Variants in CDH22 observed in about 807,000 individuals in gnomAD.
CDH22 encodes cadherin-22.
A neutral mutation model predicts 58.4 loss-of-function variants in CDH22; 30 were observed. That is an observed-to-expected ratio of 0.51 (90% CI 0.38 to 0.70). The LOEUF (loss-of-function observed/expected upper bound fraction) is 0.70. Ranked by LOEUF, CDH22 falls within the 30% of genes least tolerant of loss-of-function variation. The pLI is 0.00. For synonymous variants in CDH22, 513 were observed against 558.2 expected, an observed-to-expected ratio of 0.92 and a Z score of 1.14; for missense variants, 1,014 against 1,233.9, an observed-to-expected ratio of 0.82 and a Z score of 2.67.
At chr20:46,186,043 G>A (rs547362957) in intron 10 of CDH22, among the ~76,000 whole-genome samples, 22 of 151,902 alleles carry the variant, frequency 1.4e-4, no homozygotes, top group African/African-American at 4.3e-4. Flanking sequence ...CAAAAATCCC[G>A]TCTCTACAAA....
intron 4 of CDH22, among the ~76,000 whole-genome samples, chr20:46,218,860 G>T (rs2086104101): frequency 6.6e-6 from 1 of 152,114 alleles, no homozygotes; most frequent in African/African-American, 2.4e-5. Flanking sequence ...GGCATTCAGA[G>T]CCTCTCCCAC....
chr20:46,308,100 C>G lies in CDH22; in HGVS notation c.-400+155G>C, dbSNP rs1057400621. 6.6e-6 allele frequency among the ~76,000 whole-genome samples: 1 copy of G among 151,400 alleles called. No homozygotes were observed. Among genetic ancestry groups the G allele is most frequent in the Non-Finnish European group, 1.5e-5 (1 of 67,688 alleles). On this transcript the variant is annotated intron_variant, in intron 1 of 11. Coordinates refer to ENST00000537909, the MANE Select transcript of CDH22 (RefSeq NM_021248.3). This position sits in a 1 kb window ranked among gnomAD's most constrained non-coding sequence, Gnocchi z 4.3. Reference sequence around the variant, plus strand: ...GCCGAGAGGAGGGGGCGCGCAGGGCCGGGCGCAGGCACCCCGGCTCCTCCT... The same window carrying G: ...GCCGAGAGGAGGGGGCGCGCAGGGCGGGGCGCAGGCACCCCGGCTCCTCCT...
intron 8 of CDH22, among the ~76,000 whole-genome samples, chr20:46,188,220 AC>A (rs2085840225): frequency 6.6e-6 from 1 of 152,192 alleles, no homozygotes; most frequent in South Asian, 2.1e-4. Flanking sequence ...CTTGGGTAAG[AC>A]CCTGCCTTCT....
At chr20:46,201,781 C>A (rs569423252) in intron 7 of CDH22, among the ~76,000 whole-genome samples, 7 of 152,308 alleles carry the variant, frequency 4.6e-5, no homozygotes, top group Non-Finnish European at 8.8e-5. Flanking sequence ...ATTCTTCTTG[C>A]CCCTGGCCAC....
intron 7 of CDH22, among the ~76,000 whole-genome samples, chr20:46,203,434 G>A (rs1191031977): frequency 6.6e-6 from 1 of 152,186 alleles, no homozygotes. Context: ...TGTGTGGCGT[G>A]AATATGTGAG....
At chr20:46,186,787 C>A in intron 9 of CDH22, 39 bp downstream of exon 9, 1 of 1,597,000 alleles carries the variant, frequency 6.3e-7, no homozygotes, top group Non-Finnish European at 8.5e-7. Flanking sequence ...GCTGGCCAGT[C>A]CTGGAAGCAA....
intron 2 of CDH22, among the ~76,000 whole-genome samples, chr20:46,250,245 C>T (rs529254288): frequency 2.6e-5 from 4 of 152,182 alleles, no homozygotes; most frequent in Non-Finnish European, 5.9e-5. Context: ...AAACCGTTTG[C>T]AAGCAATGTC....
chr20:46,297,107 C>T (rs909740772), intron 1 of CDH22, among the ~76,000 whole-genome samples: 1 of 152,166 alleles, frequency 6.6e-6, no homozygotes, highest in African/African-American at 2.4e-5. Flanking sequence ...CCACTGCTGG[C>T]TGATTGTGCC....
intron 1 of CDH22, among the ~76,000 whole-genome samples, chr20:46,291,884 G>A (rs2086605185): frequency 6.6e-6 from 1 of 152,242 alleles, no homozygotes; most frequent in Non-Finnish European, 1.5e-5. Context: ...GTCCTGTGCA[G>A]GGTAGGATGG....
At position 46,177,977 on chromosome 20, in the gene CDH22, G is replaced by A. The variant is rs768142284; in HGVS notation, c.1884C>T (p.Ile628=). 8.1e-6 allele frequency: 13 copies of A among 1,614,034 alleles called. No individual in the cohort carries two copies. Among genetic ancestry groups the A allele is most frequent in the East Asian group, 2.2e-5 (1 of 44,872 alleles). Residue 628 remains isoleucine (I), a synonymous_variant, in exon 11 of 12, where the codon ATC becomes ATT. Transcript: ENST00000537909. ...MAASLSPGAL[I]ALLVCVLILV... ...GGATGAGAACGCAGACCAAGAGGGC[G>A]ATGAGGGCGCCGGGGCTGAGGGAGG...
chr20:46,190,825 G>C (rs924801238), intron 8 of CDH22, among the ~76,000 whole-genome samples: 1 of 152,144 alleles, frequency 6.6e-6, no homozygotes, highest in Non-Finnish European at 1.5e-5. Flanking sequence ...AGCCCCGGGG[G>C]TCTGAGGGAC....
At chr20:46,294,600 C>G (rs1485544349) in intron 1 of CDH22, among the ~76,000 whole-genome samples, 1 of 152,164 alleles carries the variant, frequency 6.6e-6, no homozygotes, top group Non-Finnish European at 1.5e-5. Context: ...CTATGGCAAC[C>G]AGGGAAAAGA....
intron 1 of CDH22, among the ~76,000 whole-genome samples, chr20:46,255,787 T>G (rs1266165619): frequency 6.6e-6 from 1 of 152,226 alleles, no homozygotes. Flanking sequence ...AACCCTGTCC[T>G]GGCATTCAAA....
At chr20:46,276,584 C>A (rs1393323296) in intron 1 of CDH22, among the ~76,000 whole-genome samples, 1 of 152,204 alleles carries the variant, frequency 6.6e-6, no homozygotes, top group East Asian at 1.9e-4. Context: ...TCCTTTAATC[C>A]ACACATCAGC....
At position 46,241,987 on chromosome 20, in the gene CDH22, C is replaced by A. The variant is rs2086293096; in HGVS notation, c.256-730G>T. On this transcript the variant is annotated intron_variant, in intron 2 of 11. Coordinates refer to ENST00000537909, the MANE Select transcript of CDH22 (RefSeq NM_021248.3). The surrounding 1 kb of genome is among the most constrained non-coding windows in gnomAD (Gnocchi z 5.2). Reference sequence around the variant, plus strand: ...GGTCCACTGCTCCCTAGACTCTGCACCCCAGGAGATTGGGGTGGCATCTTC... The same window carrying A: ...GGTCCACTGCTCCCTAGACTCTGCAACCCAGGAGATTGGGGTGGCATCTTC... Among the ~76,000 whole-genome samples, 1 of 152,132 alleles carries A rather than the reference C, an allele frequency of 6.6e-6. No individual in the cohort carries two copies.
intron 4 of CDH22, chr20:46,219,830 A>G (rs2425790): frequency 0.92 from 140,784 of 152,328 alleles, 65,243 homozygotes; most frequent in Middle Eastern, 0.96. Flanking sequence ...GAGGCACGGA[A>G]AGGCTAAGTA....
rs193173721 is a variant in CDH22, at chr20:46,263,974, G to A, written c.-399-12281C>T. Among the ~76,000 whole-genome samples, 9 of 152,258 alleles carry A rather than the reference G, an allele frequency of 5.9e-5. No individual in the cohort carries two copies. In the South Asian group the frequency reaches 1.0e-3, roughly 18 times the overall value. ...GGTGGCTCGGACCAGGGAGGCTGGC[G>A]TGGGATGGAGAAAAGGTAACAGATT... On this transcript the variant is annotated intron_variant, in intron 1 of 11. Coordinates refer to ENST00000537909, the MANE Select transcript of CDH22 (RefSeq NM_021248.3).
intron 1 of CDH22, among the ~76,000 whole-genome samples, chr20:46,254,554 C>CAAAAAAAAAAAAAAAAAAA (rs1257630029): frequency 1.6e-5 from 1 of 64,128 alleles, no homozygotes; most frequent in Non-Finnish European, 3.5e-5. Flanking sequence ...AATTCCATCT[C>CAAAAAAAAAAAAAAAAAAA]AAAAAAAAAA....
intron 2 of CDH22, among the ~76,000 whole-genome samples, chr20:46,246,278 C>T (rs373718094): frequency 6.6e-6 from 1 of 152,178 alleles, no homozygotes; most frequent in Non-Finnish European, 1.5e-5. Context: ...CTGTGCTACT[C>T]GTAAACCAGG....
Sources: gnomAD v4.1 joint callset for allele counts (sites outside exome capture counted in the v4.1 genomes callset) on GRCh38, gnomAD v4.1.1 for gene constraint, Gnocchi (gnomAD v3.1) non-coding constraint, MANE v1.5 for transcripts, NCBI Gene and HGNC (gene_info 2026-07-23, HGNC 2026-07-21) for gene names.